B3GALT1: variants seen among roughly 807,000 people sequenced by gnomAD.
B3GALT1 encodes the protein beta-1,3-galactosyltransferase 1.
B3GALT1 carries 10 observed loss-of-function variants against 23.2 expected under a neutral mutation model. The observed-to-expected ratio is 0.43, with a 90% CI of 0.27 to 0.73. The LOEUF (loss-of-function observed/expected upper bound fraction) is 0.73, where lower values mean the gene tolerates loss of function less well. Among genes scored for constraint, B3GALT1 ranks in the 30% least tolerant of loss-of-function variants. The pLI, the probability that B3GALT1 is intolerant of heterozygous loss-of-function variation, is 0.21. For synonymous variants in B3GALT1, 156 were observed against 141.5 expected (o/e 1.10, Z -0.73); for missense variants, 299 against 405.4 (o/e 0.74, Z 2.25).
At chr2:167,326,557 T>C (rs992649767) in intron 1 of B3GALT1, among the ~76,000 whole-genome samples, 3 of 152,124 alleles carry the variant, frequency 2.0e-5, no homozygotes, top group Non-Finnish European at 2.9e-5. Flanking sequence ...GGTAGATTTA[T>C]AGTCTTGAGA....
At chr2:167,816,707 G>T (rs943432066) in intron 3 of B3GALT1, among the ~76,000 whole-genome samples, 9 of 152,204 alleles carry the variant, frequency 5.9e-5, no homozygotes, top group African/African-American at 1.9e-4. Context: ...TAAAAATATC[G>T]TAGAGTAAAA....
chr2:167,492,703 T>C (rs1053883194), intron 2 of B3GALT1, among the ~76,000 whole-genome samples: 2 of 152,204 alleles, frequency 1.3e-5, no homozygotes, highest in Admixed American at 6.5e-5. Flanking sequence ...CATGGTCTCA[T>C]GTTCTAACAT....
chr2:167,822,772 C>T (rs1689135746), intron 4 of B3GALT1, among the ~76,000 whole-genome samples: 1 of 152,148 alleles, frequency 6.6e-6, no homozygotes, highest in Admixed American at 6.5e-5. Flanking sequence ...CTCCACATGC[C>T]TTTTCAGATG....
intron 2 of B3GALT1, among the ~76,000 whole-genome samples, chr2:167,607,190 A>G (rs933748270): frequency 1.3e-5 from 2 of 152,206 alleles, no homozygotes; most frequent in Admixed American, 6.5e-5. Flanking sequence ...AAAAGGGAAA[A>G]TGAAAGAAAT....
rs535927288 is a variant in B3GALT1, at chr2:167,293,149, G to T, written c.-696G>T. The T allele has an allele frequency of 1.3e-5, 2 of 151,550 alleles. No homozygotes were observed. Among genetic ancestry groups the T allele is most frequent in the Non-Finnish European group, 3.0e-5 (2 of 67,794 alleles). The allele number at this position is 151,550 out of a possible 1,614,324, so 9.4% of individuals were successfully genotyped here. A position where few individuals can be genotyped will look rare whatever the true frequency, so the allele number is the denominator to read the frequency against. On this transcript the variant is annotated 5_prime_UTR_variant, in exon 1 of 5. Transcript: ENST00000392690. The stretch of plus-strand genomic sequence containing the variant: ...CCGCGCCGCCGGCGCTGCCGGTCTT[G>T]CAGGCGGCCGCCGGGGAGGGGCGGC...
chr2:167,745,947 A>G (rs1463011340), intron 3 of B3GALT1, among the ~76,000 whole-genome samples: 3 of 152,142 alleles, frequency 2.0e-5, no homozygotes, highest in Non-Finnish European at 4.4e-5. Context: ...ATTATTCTTC[A>G]TATCTCTTAA....
Position 167,716,014 on chromosome 2 carries a change from C to T in B3GALT1, c.-352+69048C>T, listed in dbSNP as rs1206305373. On this transcript the variant is annotated intron_variant, in intron 3 of 4. Transcript: ENST00000392690. Reference sequence around the variant, plus strand: ...AGTGCTGCCACAATTCTGCGTAGCTCCTCCAGGACCAGCCCCAAGTAGGGC... The same window carrying T: ...AGTGCTGCCACAATTCTGCGTAGCTTCTCCAGGACCAGCCCCAAGTAGGGC... 9 of 1,610,814 alleles carry T rather than the reference C, an allele frequency of 5.6e-6. 1 individual carries two copies. The highest frequency in any genetic ancestry group is 4.4e-5 in the South Asian group (4 of 91,020).
chr2:167,601,338 C>G (rs183145215), intron 2 of B3GALT1, among the ~76,000 whole-genome samples: 211 of 152,302 alleles, frequency 1.4e-3, no homozygotes, highest in African/African-American at 4.9e-3. Flanking sequence ...TGAGCCACCA[C>G]GCCCAGCCTA....
chr2:167,674,370 T>C (rs892921687), intron 3 of B3GALT1, among the ~76,000 whole-genome samples: 4 of 152,176 alleles, frequency 2.6e-5, no homozygotes, highest in African/African-American at 9.7e-5. Context: ...ATTTTTTTCA[T>C]TTACTTCAGA....
rs568691693 is a variant in B3GALT1, at chr2:167,629,170, A to T, written c.-409-17739A>T. On this transcript the variant is annotated intron_variant, in intron 2 of 4. Transcript: ENST00000392690. ...TATTGTTTTCCAGTAACAATATTGAATATCAGCATACCTAATCAACCAGAA... is the reference window on the plus strand; with the variant it reads ...TATTGTTTTCCAGTAACAATATTGATTATCAGCATACCTAATCAACCAGAA... Among the ~76,000 whole-genome samples, 75 of 151,800 alleles carry T rather than the reference A, an allele frequency of 4.9e-4. No homozygotes were observed. In the South Asian group the frequency reaches 6.2e-3, roughly 13 times the overall value.
rs183609581 is a variant in B3GALT1, at chr2:167,464,128, G to A, written c.-510-26049G>A. Among the ~76,000 whole-genome samples, 883 of 151,478 alleles carry A rather than the reference G, an allele frequency of 5.8e-3. 9 individuals carry two copies. Among genetic ancestry groups the A allele is most frequent in the African/African-American group, 0.02 (847 of 41,380 alleles). The stretch of plus-strand genomic sequence containing the variant: ...TTAATTTAAATGATTTATATGAGGA[G>A]TTCATTGCTAAAAACCAAGAATCCT... On this transcript the variant is annotated intron_variant, in intron 1 of 4. Transcript: ENST00000392690.
intron 3 of B3GALT1, among the ~76,000 whole-genome samples, chr2:167,682,070 C>G (rs904482335): frequency 6.6e-6 from 1 of 152,080 alleles, no homozygotes; most frequent in Non-Finnish European, 1.5e-5. Context: ...AGAGCATGTC[C>G]TTTAATTTTC....
intron 1 of B3GALT1, among the ~76,000 whole-genome samples, chr2:167,350,503 G>A (rs1441677925): frequency 2.0e-5 from 3 of 152,234 alleles, no homozygotes; most frequent in Non-Finnish European, 4.4e-5. Context: ...CTTGTGCTCA[G>A]CGTGGATGTG....
chr2:167,350,886 T>C (rs1010385532), intron 1 of B3GALT1, among the ~76,000 whole-genome samples: 17 of 152,244 alleles, frequency 1.1e-4, no homozygotes, highest in African/African-American at 3.9e-4. Context: ...CACTGATCTC[T>C]TCCCTGGGTA....
At chr2:167,352,621 T>C (rs1697332269) in intron 1 of B3GALT1, among the ~76,000 whole-genome samples, 1 of 150,136 alleles carries the variant, frequency 6.7e-6, no homozygotes, top group Non-Finnish European at 1.5e-5. Context: ...CTCGGGAGGC[T>C]GAGGCAGGAG....
At chr2:167,319,612 T>C (rs1696776705) in intron 1 of B3GALT1, among the ~76,000 whole-genome samples, 1 of 151,814 alleles carries the variant, frequency 6.6e-6, no homozygotes, top group Admixed American at 6.6e-5. Context: ...ATTTTTGACA[T>C]GAAAAACAAG....
intron 4 of B3GALT1, among the ~76,000 whole-genome samples, chr2:167,840,309 C>T (rs1169939575): frequency 6.6e-6 from 1 of 151,972 alleles, no homozygotes; most frequent in African/African-American, 2.4e-5. Flanking sequence ...CCAGAATCTA[C>T]AATGAACTCA....
chr2:167,749,546 A>C (rs979685372), intron 3 of B3GALT1, among the ~76,000 whole-genome samples: 1 of 152,184 alleles, frequency 6.6e-6, no homozygotes, highest in Non-Finnish European at 1.5e-5. Context: ...TTTAATCACC[A>C]ATAAGTATCC....
chr2:167,371,259 A>G (rs1056476392), intron 1 of B3GALT1, among the ~76,000 whole-genome samples: 2 of 152,158 alleles, frequency 1.3e-5, no homozygotes, highest in African/African-American at 4.8e-5. Flanking sequence ...ATATTTCTCA[A>G]ATGTTGACAT....
Sources: allele counts gnomAD v4.1 joint callset (sites outside exome capture counted in the v4.1 genomes callset), GRCh38; gene constraint gnomAD v4.1.1; transcripts MANE v1.5; gene names NCBI Gene and HGNC (gene_info 2026-07-23, HGNC 2026-07-21).